The following IFT52 variants were observed in gnomAD, a reference collection of about 807,000 sequenced individuals.
The protein encoded by IFT52 is intraflagellar transport protein 52 homolog.
In IFT52, 44 loss-of-function variants were observed where a neutral mutation model predicts 54.4. The ratio of observed to expected loss-of-function variants is 0.81; its 90% CI spans 0.63 to 1.04. The LOEUF is 1.04. Ranked by LOEUF, IFT52 falls within the 50% of genes least tolerant of loss-of-function variation. IFT52 has a pLI of 0.00. For synonymous variants in IFT52, 181 were observed against 185.3 expected (o/e 0.98, Z 0.19); for missense variants, 452 against 523.6 (o/e 0.86, Z 1.33).
chr20:43,614,913 A>G (rs561447747), intron 7 of IFT52, among the ~76,000 whole-genome samples: 17 of 151,458 alleles, frequency 1.1e-4, no homozygotes, highest in Admixed American at 3.9e-4. Flanking sequence ...GGTTCAAGCA[A>G]TTCTCCTGCC....
At chr20:43,637,022 T>G in intron 11 of IFT52, 123 bp from the exon 12 acceptor site, 1 of 641,242 alleles carries the variant, frequency 1.6e-6, no homozygotes, top group Non-Finnish European at 2.7e-6. Flanking sequence ...GATGTGAACT[T>G]CCTTATTCTC....
intron 10 of IFT52, among the ~76,000 whole-genome samples, chr20:43,632,410 G>A (rs73624545): frequency 1.2e-3 from 177 of 151,908 alleles, no homozygotes; most frequent in African/African-American, 3.7e-3. Context: ...ACAGGCACGC[G>A]CCACCACGCC....
chr20:43,645,323 C>T (rs1986135354), intron 13 of IFT52, among the ~76,000 whole-genome samples: 1 of 57,850 alleles, frequency 1.7e-5, no homozygotes, highest in African/African-American at 5.0e-5. Flanking sequence ...TTTGGGAGGC[C>T]AAGGCAGGTG....
intron 3 of IFT52, among the ~76,000 whole-genome samples, 159 bp downstream of exon 3, chr20:43,596,681 C>T (rs1458053020): frequency 6.6e-6 from 1 of 150,456 alleles, no homozygotes; most frequent in African/African-American, 2.4e-5. Context: ...AACTGAGATA[C>T]TCCATGTAAA....
rs1983643553 is a variant in IFT52 at position 43,613,846 on chromosome 20, A to T, written c.486-4A>T. Reference sequence around the variant, plus strand: ...TTTGAATGTGTTTCTTTAATTTCTTACAGGGCTCTCACCTTTGTGTATCCT... The same window carrying T: ...TTTGAATGTGTTTCTTTAATTTCTTTCAGGGCTCTCACCTTTGTGTATCCT... On this transcript the variant is annotated splice_polypyrimidine_tract_variant and splice_region_variant and intron_variant, in intron 6 of 13. Transcript: ENST00000373030. 1 of 1,605,338 alleles carries T rather than the reference A, an allele frequency of 6.2e-7. No individual in the cohort carries two copies. The highest frequency in any genetic ancestry group is 2.2e-5 in the East Asian group (1 of 44,870).
chr20:43,622,662 A>G (rs933307624), intron 9 of IFT52, among the ~76,000 whole-genome samples: 14 of 147,520 alleles, frequency 9.5e-5, no homozygotes, highest in Non-Finnish European at 1.9e-4. Context: ...TATATTTTAT[A>G]TGTAAATATA....
intron 10 of IFT52, among the ~76,000 whole-genome samples, chr20:43,626,614 CTTT>C (rs1984741115): frequency 6.6e-6 from 1 of 151,704 alleles, no homozygotes; most frequent in Non-Finnish European, 1.5e-5. Flanking sequence ...CTTTCTTTTC[CTTT>C]TTTTCTGTTT....
At chr20:43,591,562 T>C (rs1213170092) in intron 1 of IFT52, among the ~76,000 whole-genome samples, 2 of 152,172 alleles carry the variant, frequency 1.3e-5, no homozygotes, top group Admixed American at 6.5e-5. Flanking sequence ...CAAAAAAAGA[T>C]AGATGTATCA....
chr20:43,619,017 C>A lies in IFT52; in HGVS notation c.690C>A (p.Ser230Arg). The A allele has an allele frequency of 6.2e-7, 1 of 1,606,170 alleles. No homozygotes were observed. The highest frequency in any genetic ancestry group is 8.5e-7 in the Non-Finnish European group (1 of 1,173,180). Residue 230 changes from serine to arginine, a missense_variant, in exon 8 of 14, where the codon AGC becomes AGA. Coordinates refer to ENST00000373030, the MANE Select transcript of IFT52 (RefSeq NM_016004.5). ...AATATTTGGACAAAGAAGAAAACAG[C>A]AAAATCATGGTAAGCTTTTTCTTTT... ...SDQYLDKEEN[S>R]KIMDVVFQWL...
At chr20:43,601,957 G>A (rs1368305013) in intron 3 of IFT52, among the ~76,000 whole-genome samples, 5 of 152,038 alleles carry the variant, frequency 3.3e-5, no homozygotes, top group Non-Finnish European at 7.4e-5. Context: ...TAGGACTAAC[G>A]CTAGGGATCA....
chr20:43,612,693 A>AAAAAC (rs766128897), intron 6 of IFT52, among the ~76,000 whole-genome samples: 5 of 78,704 alleles, frequency 6.4e-5, no homozygotes, highest in African/African-American at 2.0e-4. Flanking sequence ...TCCTGTCTTA[A>AAAAAC]AAAACAAAAC....
intron 10 of IFT52, among the ~76,000 whole-genome samples, chr20:43,630,216 A>G (rs1475355256): frequency 6.6e-6 from 1 of 152,190 alleles, no homozygotes; most frequent in South Asian, 2.1e-4. Flanking sequence ...ATAAAAAAAG[A>G]TACATCTGAC....
intron 6 of IFT52, 86 bp from the exon 7 acceptor site, chr20:43,613,764 T>C (rs1600478298): frequency 7.6e-7 from 1 of 1,314,494 alleles, no homozygotes; most frequent in East Asian, 2.3e-5. Context: ...CAAAAAAGAG[T>C]GTTACTCAAG....
intron 7 of IFT52, chr20:43,618,380 T>C (rs1477402263): frequency 6.6e-6 from 1 of 152,202 alleles, no homozygotes; most frequent in Non-Finnish European, 1.5e-5. Flanking sequence ...CCAGCTAATG[T>C]AGAATTAATT....
rs556657761 is a variant in IFT52 at position 43,596,536 on chromosome 20, A to G, written c.207+14A>G. Reference sequence around the variant, plus strand: ...ACTGCAGCTGAGGTAAGAAATATCCACTAAAGAAGGAATATGGTGAAATGA... The same window carrying G: ...ACTGCAGCTGAGGTAAGAAATATCCGCTAAAGAAGGAATATGGTGAAATGA... On this transcript the variant is annotated intron_variant, in intron 3 of 13. Coordinates refer to ENST00000373030, the MANE Select transcript of IFT52 (RefSeq NM_016004.5). 5 of 1,526,952 alleles carry G rather than the reference A, an allele frequency of 3.3e-6. No homozygotes were observed. Among genetic ancestry groups the G allele is most frequent in the Admixed American group, 1.7e-5 (1 of 58,954 alleles). 94.6% of individuals were successfully genotyped at this position (1,526,952 alleles called of 1,614,324 possible).
intron 1 of IFT52, among the ~76,000 whole-genome samples, chr20:43,593,783 G>A (rs966877412): frequency 3.3e-5 from 5 of 151,954 alleles, no homozygotes; most frequent in African/African-American, 1.2e-4. Flanking sequence ...AGGCTGGTCT[G>A]GAACTGCTGA....
chr20:43,599,531 A>G (rs1238603776), intron 3 of IFT52, among the ~76,000 whole-genome samples: 1 of 151,954 alleles, frequency 6.6e-6, no homozygotes, highest in African/African-American at 2.4e-5. Context: ...AAGAAAAGGG[A>G]AAAAAGCTGT....
At chr20:43,605,591 T>C (rs1360997666) in intron 6 of IFT52, among the ~76,000 whole-genome samples, 8 of 152,128 alleles carry the variant, frequency 5.3e-5, no homozygotes, top group Admixed American at 1.3e-4. Flanking sequence ...TTTTTTTTTT[T>C]CCATGTATAA....
At chr20:43,637,497 A>G (rs1356130978) in intron 12 of IFT52, among the ~76,000 whole-genome samples, 1 of 152,176 alleles carries the variant, frequency 6.6e-6, no homozygotes, top group East Asian at 1.9e-4. Flanking sequence ...TCCTGACCTC[A>G]GGCGATCAGC....
Sources: allele counts gnomAD v4.1 joint callset (sites outside exome capture counted in the v4.1 genomes callset), GRCh38; gene constraint gnomAD v4.1.1; transcripts MANE v1.5; gene names NCBI Gene and HGNC (gene_info 2026-07-23, HGNC 2026-07-21).